Variants in SOCS7 observed in about 807,000 individuals in gnomAD.
SOCS7 encodes the protein NAP-4.
Under a neutral mutation model 58.9 loss-of-function variants are expected in SOCS7, and 18 were observed. The ratio of observed to expected loss-of-function variants is 0.31; its 90% CI spans 0.21 to 0.45. The LOEUF is 0.45. SOCS7 is among the 20% of genes least tolerant of loss of function. The probability of loss-of-function intolerance (pLI) is 1.00; values close to 1 mark genes in which losing one functional copy is unlikely to be tolerated. For missense variants in SOCS7, 667 were observed against 837.3 expected, an observed-to-expected ratio of 0.80 and a Z score of 2.51; for synonymous variants, 388 against 364.3, an observed-to-expected ratio of 1.06 and a Z score of -0.74.
At position 38,395,355 on chromosome 17, in the gene SOCS7, C is replaced by G. The variant is rs1012730856; in HGVS notation, c.1728C>G (p.Phe576Leu). The G allele has an allele frequency of 1.2e-6, 2 of 1,614,128 alleles. No individual in the cohort carries two copies. The highest frequency in any genetic ancestry group is 1.7e-6 in the Non-Finnish European group (2 of 1,179,970). Reference sequence around the variant, plus strand: ...AGCTGCTCTATCCAGTGTCCCGATTCAGCAATGTCAAATCCCTCCAGCACC... The same window carrying G: ...AGCTGCTCTATCCAGTGTCCCGATTGAGCAATGTCAAATCCCTCCAGCACC... ...PVQLLYPVSR[F>L]SNVKSLQHLC... The change falls in exon 8 of 10, where the codon TTC (phenylalanine) becomes TTG (leucine). Residue 576 changes from phenylalanine (F) to leucine (L), a missense_variant. By Grantham distance (22) the Phe-to-Leu change is conservative (BLOSUM62 0). This residue lies in a region of SOCS7 where 76 missense variants were observed against 194.5 expected (regional missense o/e 0.39). Transcript: ENST00000612932.
chr17:38,370,062 A>T (rs2037842487), intron 6 of SOCS7, among the ~76,000 whole-genome samples: 2 of 152,102 alleles, frequency 1.3e-5, no homozygotes, highest in Admixed American at 6.5e-5. Context: ...AAGTGCTGGG[A>T]TTACAGGCGT....
chr17:38,365,245 G>T, intron 3 of SOCS7, 63 bp from the exon 4 acceptor site: 2 of 1,266,068 alleles, frequency 1.6e-6, no homozygotes, highest in Non-Finnish European at 1.1e-6. Context: ...CCTCTCCTCT[G>T]CCTTCAGCGT....
At chr17:38,373,907 G>A (rs966821094) in intron 6 of SOCS7, among the ~76,000 whole-genome samples, 2 of 152,236 alleles carry the variant, frequency 1.3e-5, no homozygotes, top group African/African-American at 2.4e-5. Flanking sequence ...ATGAATGTCT[G>A]GAAAGATTCC....
At chr17:38,370,730 A>C (rs2037852526) in intron 6 of SOCS7, among the ~76,000 whole-genome samples, 1 of 150,278 alleles carries the variant, frequency 6.7e-6, no homozygotes, top group African/African-American at 2.5e-5. Flanking sequence ...GCTCAGTGTC[A>C]ACCTCTGCCT....
In SOCS7 at chr17:38,402,339, G is replaced by A. The variant is rs375072810; in HGVS notation, c.*2857G>A. 1 of 152,526 alleles carries A rather than the reference G, an allele frequency of 6.6e-6. No individual in the cohort carries two copies. Among genetic ancestry groups the A allele is most frequent in the African/African-American group, 2.4e-5 (1 of 41,460 alleles). The allele number at this position is 152,526 out of a possible 1,614,324, so 9.4% of individuals were successfully genotyped here. A position where few individuals can be genotyped will look rare whatever the true frequency, so the allele number is the denominator to read the frequency against. ...CTCTGGGATACAGCCTGGTCAGAGAGTAAATGGAGCAGAGGAGCAGGTGTG... is the reference window on the plus strand; with the variant it reads ...CTCTGGGATACAGCCTGGTCAGAGAATAAATGGAGCAGAGGAGCAGGTGTG... On this transcript the variant is annotated 3_prime_UTR_variant, in exon 10 of 10. Coordinates refer to ENST00000612932, the MANE Select transcript of SOCS7 (RefSeq NM_014598.4).
intron 7 of SOCS7, among the ~76,000 whole-genome samples, chr17:38,393,094 C>T (rs527465737): frequency 6.6e-6 from 1 of 152,110 alleles, no homozygotes. Flanking sequence ...ACTGTAGCCT[C>T]GAGTTCCTGG....
chr17:38,352,895 C>T lies in SOCS7; in HGVS notation c.843C>T (p.Leu281=). 6.2e-7 allele frequency: 1 copy of T among 1,603,244 alleles called. No individual in the cohort carries two copies. Among genetic ancestry groups the T allele is most frequent in the Admixed American group, 1.7e-5 (1 of 58,606 alleles). ...KGSFKIRLSR[L]FRTKSCNGGS... is the part of the protein sequence containing the mutation. ...CCTTCAAAATCCGCCTCAGTCGCCTCTTTCGCACCAAGAGCTGCAACGGTG... is the reference window on the plus strand; with the variant it reads ...CCTTCAAAATCCGCCTCAGTCGCCTTTTTCGCACCAAGAGCTGCAACGGTG... The change falls in exon 1 of 10, where the codon CTC becomes CTT. Residue 281 remains leucine (L), a synonymous_variant. Coordinates refer to ENST00000612932, the MANE Select transcript of SOCS7 (RefSeq NM_014598.4). The surrounding 1 kb of genome is among the most constrained non-coding windows in gnomAD (Gnocchi z 5.5).
chr17:38,378,350 T>TA (rs2037958125), intron 7 of SOCS7, among the ~76,000 whole-genome samples: 1 of 151,830 alleles, frequency 6.6e-6, no homozygotes, highest in Non-Finnish European at 1.5e-5. Context: ...CCCCATCTCT[T>TA]AAAAAAATAA....
chr17:38,383,626 C>T (rs910346353), intron 7 of SOCS7, among the ~76,000 whole-genome samples: 10 of 152,152 alleles, frequency 6.6e-5, no homozygotes, highest in East Asian at 1.9e-4. Context: ...GGCGCAATCT[C>T]GGCTCATCGC....
In SOCS7 at chr17:38,384,661, G is replaced by A. The variant is rs145314066; in HGVS notation, c.1681+6819G>A. Among the ~76,000 whole-genome samples the A allele has an allele frequency of 4.2e-3, 642 of 151,332 alleles. 6 individuals carry two copies. Among genetic ancestry groups the A allele is most frequent in the African/African-American group, 0.015 (606 of 41,224 alleles). ...GGCTGGAGTGCAGTGGTGCGATCTC[G>A]GCTCACTGCCACCATCCACATCCCG... On this transcript the variant is annotated intron_variant, in intron 7 of 9. Transcript: ENST00000612932.
Position 38,383,415 on chromosome 17 carries a change from T to TGGTA in SOCS7, c.1681+5574_1681+5577dup, listed in dbSNP as rs575243519. On this transcript the variant is annotated intron_variant, in intron 7 of 9. Transcript: ENST00000612932. ...TGGTGTTCTCCTGGCCCTATAAAGG[T>TGGTA]GGTACCCAAGATAATATGTGTTGAA... is the stretch of plus-strand genomic sequence containing the variant. Among the ~76,000 whole-genome samples the TGGTA allele has an allele frequency of 6.6e-5, 10 of 152,288 alleles. No individual in the cohort carries two copies. The South Asian group carries it at 2.1e-3, about 32-fold the overall frequency.
chr17:38,395,638 G>T (rs1429482083), intron 8 of SOCS7, among the ~76,000 whole-genome samples, 194 bp downstream of exon 8: 1 of 152,192 alleles, frequency 6.6e-6, no homozygotes, highest in East Asian at 1.9e-4. Flanking sequence ...AGGGAGGAAG[G>T]TGTGTGTGTC....
At position 38,400,945 on chromosome 17, in the gene SOCS7, C is replaced by G. The variant is rs894228689; in HGVS notation, c.*1463C>G. 3 of 152,226 alleles carry G rather than the reference C, an allele frequency of 2.0e-5. No homozygotes were observed. The highest frequency in any genetic ancestry group is 4.8e-5 in the African/African-American group (2 of 41,446). 9.4% of individuals were successfully genotyped at this position (152,226 alleles called of 1,614,324 possible). On this transcript the variant is annotated 3_prime_UTR_variant, in exon 10 of 10. Coordinates refer to ENST00000612932, the MANE Select transcript of SOCS7 (RefSeq NM_014598.4). Reference sequence around the variant, plus strand: ...CTGTTGGGTCTTCATGACTCCTTTGCGTGTGTTCCATGGGACTCTCTTTCT... The same window carrying G: ...CTGTTGGGTCTTCATGACTCCTTTGGGTGTGTTCCATGGGACTCTCTTTCT...
intron 7 of SOCS7, among the ~76,000 whole-genome samples, chr17:38,387,133 G>GTATGTATATATA (rs1555570701): frequency 6.8e-5 from 5 of 73,486 alleles, no homozygotes; most frequent in African/African-American, 2.8e-4. Flanking sequence ...ATATATGTAT[G>GTATGTATATATA]TATATATATA....
At chr17:38,367,125 C>T (rs750581749) in intron 5 of SOCS7, among the ~76,000 whole-genome samples, 2 of 152,100 alleles carry the variant, frequency 1.3e-5, no homozygotes, top group Admixed American at 1.3e-4. Flanking sequence ...AGTGCAGTGG[C>T]GCAATCTCGG....
In SOCS7 at chr17:38,352,891, G is replaced by A. The variant is rs2037577888; in HGVS notation, c.839G>A (p.Arg280His). The A allele has an allele frequency of 1.2e-6, 2 of 1,601,238 alleles. No individual in the cohort carries two copies. The highest frequency in any genetic ancestry group is 1.7e-6 in the Non-Finnish European group (2 of 1,174,874). ...RKGSFKIRLS[R>H]LFRTKSCNGG... ...GGCTCCTTCAAAATCCGCCTCAGTC[G>A]CCTCTTTCGCACCAAGAGCTGCAAC... The change falls in exon 1 of 10, where the codon CGC becomes CAC. Residue 280 changes from arginine to histidine, a missense_variant. By Grantham distance (29) the Arg-to-His change is conservative (BLOSUM62 0). Coordinates refer to ENST00000612932, the MANE Select transcript of SOCS7 (RefSeq NM_014598.4). This position sits in a 1 kb window ranked among gnomAD's most constrained non-coding sequence, Gnocchi z 5.5.
chr17:38,371,241 G>A (rs1321003674), intron 6 of SOCS7, among the ~76,000 whole-genome samples: 2 of 151,732 alleles, frequency 1.3e-5, no homozygotes, highest in Non-Finnish European at 2.9e-5. Context: ...AGCCTCCTGA[G>A]TAGCTGGGAT....
intron 7 of SOCS7, among the ~76,000 whole-genome samples, chr17:38,380,849 ACT>A (rs1780442130): frequency 6.6e-6 from 1 of 151,808 alleles, no homozygotes; most frequent in South Asian, 2.1e-4. Context: ...ACAGAGGGAG[ACT>A]CTGTCTCCAA....
rs2039566957 is a variant in SOCS7, at chr17:38,401,127, G to C, written c.*1645G>C. ...CTTCTTCCTTAGTCCCACGTGGAGT[G>C]ACCAGTCTTCCTCCTTGTAGCTGAA... On this transcript the variant is annotated 3_prime_UTR_variant, in exon 10 of 10. Transcript: ENST00000612932. The C allele has an allele frequency of 6.6e-6, 1 of 152,176 alleles. No individual in the cohort carries two copies. Among genetic ancestry groups the C allele is most frequent in the Non-Finnish European group, 1.5e-5 (1 of 68,046 alleles). 9.4% of individuals were successfully genotyped at this position (152,176 alleles called of 1,614,324 possible).
Sources: allele counts gnomAD v4.1 joint callset (sites outside exome capture counted in the v4.1 genomes callset), GRCh38; gene constraint gnomAD v4.1.1; regional missense constraint gnomAD v4.1.1; non-coding constraint Gnocchi (gnomAD v3.1); transcripts MANE v1.5; gene names NCBI Gene and HGNC (gene_info 2026-07-23, HGNC 2026-07-21).